STK39: variants seen among roughly 807,000 people sequenced by gnomAD.
STK39 encodes serine/threonine kinase 39, also known as STE20/SPS1-related proline-alanine-rich protein kinase.
A neutral mutation model predicts 77.8 loss-of-function variants in STK39; 20 were observed. That is an observed-to-expected ratio of 0.26 (90% CI 0.18 to 0.37). STK39 has a LOEUF of 0.37. Ranked by LOEUF, STK39 falls within the 10% of genes least tolerant of loss-of-function variation. The pLI is 1.00. For synonymous variants in STK39, 246 were observed against 234.1 expected, an observed-to-expected ratio of 1.05 and a Z score of -0.47; for missense variants, 479 against 656.5, an observed-to-expected ratio of 0.73 and a Z score of 2.95.
chr2:168,093,041 C>T (rs1686566779), intron 10 of STK39, among the ~76,000 whole-genome samples: 2 of 152,170 alleles, frequency 1.3e-5, no homozygotes, highest in Non-Finnish European at 2.9e-5. Context: ...GTGCATCTCC[C>T]CCTGGAAGCC....
chr2:168,115,798 G>C (rs1687243416), intron 10 of STK39, among the ~76,000 whole-genome samples: 1 of 152,176 alleles, frequency 6.6e-6, no homozygotes, highest in Admixed American at 6.5e-5. Flanking sequence ...ACACTTCCAG[G>C]GGGAAGAGCA....
intron 5 of STK39, among the ~76,000 whole-genome samples, chr2:168,144,595 C>T (rs1688083441): frequency 6.6e-6 from 1 of 152,048 alleles, no homozygotes; most frequent in East Asian, 1.9e-4. Context: ...CATGAGCCAC[C>T]ATGCCGAGCC....
At chr2:168,040,905 A>C (rs1032561648) in intron 14 of STK39, among the ~76,000 whole-genome samples, 1 of 152,184 alleles carries the variant, frequency 6.6e-6, no homozygotes, top group East Asian at 1.9e-4. Context: ...GAATTACATA[A>C]AGTGACGTTT....
intron 10 of STK39, among the ~76,000 whole-genome samples, chr2:168,079,560 C>T (rs1686172930): frequency 6.6e-6 from 1 of 152,228 alleles, no homozygotes; most frequent in East Asian, 1.9e-4. Flanking sequence ...GGCATCAGTG[C>T]TGCTACAACC....
chr2:168,200,906 CACTCTCCTATTATTA>C (rs2105673545), intron 1 of STK39, among the ~76,000 whole-genome samples: 1 of 152,264 alleles, frequency 6.6e-6, no homozygotes, highest in African/African-American at 2.4e-5. Context: ...TCAGACAGAA[CACTCTCCTATTATTA>C]ACTCAGGTAC....
intron 10 of STK39, among the ~76,000 whole-genome samples, chr2:168,101,902 A>G (rs1250209738): frequency 2.6e-5 from 4 of 152,130 alleles, no homozygotes; most frequent in African/African-American, 9.7e-5. Context: ...CTGTCACCCC[A>G]AAAAGAAACT....
intron 1 of STK39, among the ~76,000 whole-genome samples, chr2:168,186,216 G>A (rs995553237): frequency 4.6e-5 from 7 of 152,154 alleles, no homozygotes; most frequent in Admixed American, 3.3e-4. Flanking sequence ...GAAGGTGCCT[G>A]TTTACAAGCC....
chr2:168,007,850 T>C (rs6433027), intron 16 of STK39, among the ~76,000 whole-genome samples: 73,791 of 151,966 alleles, frequency 0.49, 19,104 homozygotes, highest in Non-Finnish European at 0.56. Flanking sequence ...AGAGTTTTGA[T>C]TGAACTATGA....
chr2:167,987,466 G>A (rs545302234), intron 16 of STK39, among the ~76,000 whole-genome samples: 47 of 151,804 alleles, frequency 3.1e-4, no homozygotes, highest in African/African-American at 1.1e-3. Context: ...GAAAAAATAG[G>A]ATATACTAAT....
At chr2:168,092,057 A>T (rs149655442) in intron 10 of STK39, among the ~76,000 whole-genome samples, 8 of 152,348 alleles carry the variant, frequency 5.3e-5, no homozygotes, top group African/African-American at 1.9e-4. Context: ...AATGTGGTCC[A>T]CACTCTGAAA....
At chr2:168,108,712 C>A (rs761607807) in intron 10 of STK39, among the ~76,000 whole-genome samples, 1 of 152,172 alleles carries the variant, frequency 6.6e-6, no homozygotes, top group Non-Finnish European at 1.5e-5. Flanking sequence ...AACTCACTAA[C>A]CCTTCTCAAT....
chr2:167,985,096 T>C (rs1683522782), intron 16 of STK39, among the ~76,000 whole-genome samples: 1 of 152,226 alleles, frequency 6.6e-6, no homozygotes, highest in Non-Finnish European at 1.5e-5. Context: ...TGAATGCAAC[T>C]AACCATATGT....
intron 10 of STK39, among the ~76,000 whole-genome samples, chr2:168,117,918 G>C (rs763555955): frequency 2.0e-5 from 3 of 152,034 alleles, no homozygotes; most frequent in East Asian, 3.9e-4. Flanking sequence ...AGGGAGAAAA[G>C]ACAGTACAAC....
At chr2:168,028,542 C>T (rs1453917640) in intron 14 of STK39, among the ~76,000 whole-genome samples, 1 of 152,192 alleles carries the variant, frequency 6.6e-6, no homozygotes, top group Non-Finnish European at 1.5e-5. Context: ...AAATACCAGA[C>T]TCATGTTAAT....
intron 1 of STK39, among the ~76,000 whole-genome samples, chr2:168,206,364 G>A (rs1188291505): frequency 2.0e-5 from 3 of 150,680 alleles, no homozygotes; most frequent in Non-Finnish European, 1.5e-5. Context: ...GCAATGGCGC[G>A]ATCTCAGCTC....
At chr2:168,086,494 A>G (rs1686370767) in intron 10 of STK39, among the ~76,000 whole-genome samples, 1 of 152,224 alleles carries the variant, frequency 6.6e-6, no homozygotes, top group Non-Finnish European at 1.5e-5. Context: ...AAGCTCTACC[A>G]GTTCTGCTAA....
chr2:168,205,347 A>G (rs1463027589), intron 1 of STK39, among the ~76,000 whole-genome samples: 1 of 152,220 alleles, frequency 6.6e-6, no homozygotes, highest in Non-Finnish European at 1.5e-5. Flanking sequence ...TTTTGAAGAT[A>G]CCACTATGAG....
At chr2:168,140,616 T>C (rs1687956757) in intron 6 of STK39, 33 bp downstream of exon 6, 4 of 1,513,092 alleles carry the variant, frequency 2.6e-6, no homozygotes, top group Non-Finnish European at 3.6e-6. Context: ...TTGTACTATG[T>C]CCATCAAAAA....
chr2:168,039,791 C>A (rs566119474), intron 14 of STK39, among the ~76,000 whole-genome samples: 1 of 152,084 alleles, frequency 6.6e-6, no homozygotes, highest in African/African-American at 2.4e-5. Flanking sequence ...TAAGTGGATG[C>A]AATTTATTAT....
Sources: allele counts gnomAD v4.1 joint callset (sites outside exome capture counted in the v4.1 genomes callset), GRCh38; gene constraint gnomAD v4.1.1; transcripts MANE v1.5; gene names NCBI Gene and HGNC (gene_info 2026-07-23, HGNC 2026-07-21).